Variants in ARAP2 observed in about 807,000 individuals in gnomAD.
ARAP2 encodes arf-GAP with Rho-GAP domain, ANK repeat and PH domain-containing protein 2.
In ARAP2, 148 loss-of-function variants were observed where a neutral mutation model predicts 194.5. The ratio of observed to expected loss-of-function variants is 0.76; its 90% CI spans 0.67 to 0.87. The LOEUF (loss-of-function observed/expected upper bound fraction) is 0.87. Among genes scored for constraint, ARAP2 ranks in the 40% least tolerant of loss-of-function variants. The pLI, the probability that ARAP2 is intolerant of heterozygous loss-of-function variation, is 0.00. For missense variants in ARAP2, 2,128 were observed against 1,989.7 expected, an observed-to-expected ratio of 1.07 and a Z score of -1.32; for synonymous variants, 695 against 683.5, an observed-to-expected ratio of 1.02 and a Z score of -0.26.
intron 15 of ARAP2, among the ~76,000 whole-genome samples, chr4:36,155,579 T>C (rs957252950): frequency 1.3e-5 from 2 of 151,986 alleles, no homozygotes; most frequent in East Asian, 1.9e-4. Context: ...CACACCACCA[T>C]GGAGAAGAAT....
chr4:36,193,835 A>C (rs1174448631), intron 6 of ARAP2, among the ~76,000 whole-genome samples, 188 bp from the exon 7 acceptor site: 4 of 152,208 alleles, frequency 2.6e-5, no homozygotes, highest in Non-Finnish European at 4.4e-5. Flanking sequence ...GTACTTTCTA[A>C]TCAGTTGACC....
chr4:36,030,965 A>G (rs1718848427), intron 5 of ARAP2, among the ~76,000 whole-genome samples: 1 of 152,052 alleles, frequency 6.6e-6, no homozygotes, highest in South Asian at 2.1e-4. Context: ...CCCTGTCTCT[A>G]CTAAAAATAC....
At chr4:36,084,407 A>G (rs1227050700) in intron 28 of ARAP2, among the ~76,000 whole-genome samples, 1 of 152,112 alleles carries the variant, frequency 6.6e-6, no homozygotes, top group Non-Finnish European at 1.5e-5. Flanking sequence ...GATAAAGGCT[A>G]TATATATCTT....
Position 36,128,717 on chromosome 4 carries a change from C to T in ARAP2, c.3456G>A (p.Lys1152=). The T allele has an allele frequency of 1.9e-6, 3 of 1,610,560 alleles. No individual in the cohort carries two copies. Among genetic ancestry groups the T allele is most frequent in the Non-Finnish European group, 2.5e-6 (3 of 1,178,720 alleles). ...CACTTATATGCAAAGGATCACCATT[C>T]TTTTGATAGATATATTTGCATCCTA... The part of the protein sequence containing the change: ...YGLGCKYIYQ[K]NGDPLHISEL... Residue 1152 remains lysine, a synonymous_variant, in exon 21 of 33, where the codon AAG becomes AAA. Coordinates refer to ENST00000303965, the MANE Select transcript of ARAP2 (RefSeq NM_015230.4).
chr4:36,223,003 C>T (rs901819522), intron 2 of ARAP2, among the ~76,000 whole-genome samples: 14 of 151,844 alleles, frequency 9.2e-5, no homozygotes, highest in African/African-American at 3.1e-4. Context: ...TTTTCCCTTC[C>T]CCTCAGTGCT....
At chr4:36,037,225 G>A (rs556822104) in intron 5 of ARAP2, among the ~76,000 whole-genome samples, 2 of 152,256 alleles carry the variant, frequency 1.3e-5, no homozygotes, top group East Asian at 3.9e-4. Context: ...CTCTACCAAT[G>A]CACTGACATT....
chr4:36,005,570 A>G (rs996698420), intron 10 of ARAP2: 1 of 152,176 alleles, frequency 6.6e-6, no homozygotes, highest in Non-Finnish European at 1.5e-5. Flanking sequence ...GTAAGCAAAT[A>G]CAAGATAAAA....
At chr4:36,037,622 A>C (rs1720152458) in intron 5 of ARAP2, among the ~76,000 whole-genome samples, 1 of 152,134 alleles carries the variant, frequency 6.6e-6, no homozygotes, top group Non-Finnish European at 1.5e-5. Context: ...AAAACTAAGC[A>C]GGTTGGATTT....
intron 10 of ARAP2, among the ~76,000 whole-genome samples, chr4:36,165,724 G>A (rs961982659): frequency 5.3e-5 from 8 of 152,052 alleles, no homozygotes; most frequent in African/African-American, 1.4e-4. Flanking sequence ...CTGGGAACTC[G>A]AGTGAATGAA....
intron 2 of ARAP2, among the ~76,000 whole-genome samples, chr4:36,054,759 A>G (rs1260832025): frequency 2.0e-5 from 3 of 152,220 alleles, no homozygotes; most frequent in Non-Finnish European, 2.9e-5. Flanking sequence ...AGCTTTTATC[A>G]CAATCTGGAA....
At chr4:36,145,859 G>A (rs1729517130) in intron 19 of ARAP2, among the ~76,000 whole-genome samples, 1 of 151,884 alleles carries the variant, frequency 6.6e-6, no homozygotes, top group East Asian at 1.9e-4. Context: ...AACCCGTCCA[G>A]TTCCTTGGCA....
intron 19 of ARAP2, 69 bp downstream of exon 19, chr4:36,147,227 A>G: frequency 1.4e-6 from 2 of 1,403,412 alleles, no homozygotes; most frequent in Non-Finnish European, 2.0e-6. Flanking sequence ...CCTCAAGATA[A>G]TAACAAAAAA....
chr4:36,101,338 ATAGT>A (rs1406925769), intron 27 of ARAP2, among the ~76,000 whole-genome samples: 1 of 151,900 alleles, frequency 6.6e-6, no homozygotes, highest in African/African-American at 2.4e-5. Flanking sequence ...TTATTTATAA[ATAGT>A]TAAATTATAA....
Position 36,212,838 on chromosome 4 carries a change from G to A in ARAP2, c.1042-351C>T, listed in dbSNP as rs576466216. 3.4e-4 allele frequency among the ~76,000 whole-genome samples: 52 copies of A among 151,914 alleles called. No homozygotes were observed. The South Asian group carries it at 3.5e-3, about 10-fold the overall frequency. On this transcript the variant is annotated intron_variant, in intron 4 of 32. Transcript: ENST00000303965. Reference sequence around the variant, plus strand: ...GAAATAAAGTAGCAAAAGAGCACAAGTAATAGAAAAGAATGAGTGATAAAC... The same window carrying A: ...GAAATAAAGTAGCAAAAGAGCACAAATAATAGAAAAGAATGAGTGATAAAC...
At chr4:36,175,178 TATG>T (rs1289935993) in intron 9 of ARAP2, among the ~76,000 whole-genome samples, 1 of 152,226 alleles carries the variant, frequency 6.6e-6, no homozygotes, top group Non-Finnish European at 1.5e-5. Flanking sequence ...CTTACATTTT[TATG>T]ATGAATAGAT....
intron 2 of ARAP2, among the ~76,000 whole-genome samples, chr4:36,216,252 T>C (rs1185340326): frequency 6.6e-6 from 1 of 152,028 alleles, no homozygotes; most frequent in African/African-American, 2.4e-5. Context: ...CAAGACCCTG[T>C]CTCAAAAAAT....
chr4:36,226,236 T>C (rs891771633), intron 2 of ARAP2, among the ~76,000 whole-genome samples: 2 of 152,022 alleles, frequency 1.3e-5, no homozygotes, highest in Admixed American at 1.3e-4. Flanking sequence ...AAAGACTCAG[T>C]CACAAATTGA....
intron 2 of ARAP2, among the ~76,000 whole-genome samples, chr4:36,220,560 A>T: frequency 6.7e-6 from 1 of 148,970 alleles, no homozygotes; most frequent in African/African-American, 2.5e-5. Context: ...CCTTCCACTT[A>T]TTTTTTTTTT....
intron 5 of ARAP2, among the ~76,000 whole-genome samples, chr4:36,032,888 T>C (rs1277601941): frequency 6.6e-6 from 1 of 152,138 alleles, no homozygotes; most frequent in African/African-American, 2.4e-5. Context: ...CATGAGGTCT[T>C]AACATTTAGC....
Sources: gnomAD v4.1 joint callset for allele counts (sites outside exome capture counted in the v4.1 genomes callset) on GRCh38, gnomAD v4.1.1 for gene constraint, MANE v1.5 for transcripts, NCBI Gene and HGNC (gene_info 2026-07-23, HGNC 2026-07-21) for gene names.